The following PRRC2B variants were observed in gnomAD, a reference collection of about 807,000 sequenced individuals.
PRRC2B encodes proline rich coiled-coil 2B.
PRRC2B carries 68 observed loss-of-function variants against 242.3 expected under a neutral mutation model. The ratio of observed to expected loss-of-function variants is 0.28; its 90% confidence interval spans 0.23 to 0.34. The LOEUF (loss-of-function observed/expected upper bound fraction) is 0.34. PRRC2B is among the 10% of genes least tolerant of loss of function. The pLI is 1.00. For synonymous variants in PRRC2B, 1,228 were observed against 1,173.6 expected, an observed-to-expected ratio of 1.05 and a Z score of -0.95; for missense variants, 2,835 against 2,954.8, an observed-to-expected ratio of 0.96 and a Z score of 0.94.
At chr9:131,437,910 A>ATGTATGT (rs1403977558) in intron 4 of PRRC2B, among the ~76,000 whole-genome samples, 1 of 152,014 alleles carries the variant, frequency 6.6e-6, no homozygotes, top group Non-Finnish European at 1.5e-5. Flanking sequence ...ATGTGCTCAG[A>ATGTATGT]CCCCACCACT....
chr9:131,485,305 A>G (rs1385542481), intron 25 of PRRC2B, among the ~76,000 whole-genome samples, 165 bp downstream of exon 25: 1 of 152,160 alleles, frequency 6.6e-6, no homozygotes, highest in East Asian at 1.9e-4. Flanking sequence ...GCTGCAGGTA[A>G]TGTGCACGTC....
Position 131,422,888 on chromosome 9 carries a change from A to G in PRRC2B, c.-51-7206A>G, listed in dbSNP as rs75186469. On this transcript the variant is annotated intron_variant, in intron 1 of 31. Transcript: ENST00000683519. ...GATTTGTTCCCAAATCTATCTTCAT[A>G]TGGGTTTTAGGCCCCTTTTTCATCT... 2.9e-3 allele frequency among the ~76,000 whole-genome samples: 437 copies of G among 152,132 alleles called. 1 individual carries two copies. Among genetic ancestry groups the G allele is most frequent in the Middle Eastern group, 0.014 (4 of 294 alleles).
chr9:131,444,405 G>A (rs1838717573), intron 6 of PRRC2B, 77 bp downstream of exon 6: 2 of 1,501,708 alleles, frequency 1.3e-6, no homozygotes, highest in Non-Finnish European at 1.8e-6. Flanking sequence ...TCCTAAAAGG[G>A]TGCTGATGCC....
At chr9:131,383,976 T>C (rs1173360105) in intron 1 of PRRC2B, among the ~76,000 whole-genome samples, 1 of 151,854 alleles carries the variant, frequency 6.6e-6, no homozygotes, top group East Asian at 1.9e-4. Flanking sequence ...TGGAGTCCAG[T>C]GGCACAGTCA....
intron 1 of PRRC2B, among the ~76,000 whole-genome samples, chr9:131,401,055 G>A (rs999743410): frequency 2.6e-5 from 4 of 151,094 alleles, no homozygotes; most frequent in African/African-American, 7.3e-5. Context: ...TCTACCTCTC[G>A]GGTTCAAGCG....
At chr9:131,478,641 G>C in intron 18 of PRRC2B, 22 bp downstream of exon 18, 1 of 555,082 alleles carries the variant, frequency 1.8e-6, no homozygotes, top group Non-Finnish European at 3.4e-6. Flanking sequence ...AGGGTGGGGG[G>C]GCATGGGGCT....
chr9:131,455,254 AC>A (rs1296492223), intron 10 of PRRC2B, 88 bp downstream of exon 10: 1 of 885,822 alleles, frequency 1.1e-6, no homozygotes, highest in African/African-American at 1.7e-5. Flanking sequence ...TTCCATAGCA[AC>A]CTGGAATGGC....
At position 131,491,636 on chromosome 9, in the gene PRRC2B, T is replaced by G. The variant is rs1250699837; in HGVS notation, c.6381+56T>G. On this transcript the variant is annotated intron_variant, in intron 29 of 31. Coordinates refer to ENST00000683519, the MANE Select transcript of PRRC2B (RefSeq NM_013318.4). Reference sequence around the variant, plus strand: ...GGGAGGGGGCCTTGTGTCACCAACTTTTTCTAGCAAGCTAAGTACCCCTGT... The same window carrying G: ...GGGAGGGGGCCTTGTGTCACCAACTGTTTCTAGCAAGCTAAGTACCCCTGT... 3.4e-6 allele frequency: 5 copies of G among 1,490,580 alleles called. No homozygotes were observed. The African/African-American group carries it at 5.6e-5, about 17-fold the overall frequency. 92.3% of individuals were successfully genotyped at this position (1,490,580 alleles called of 1,614,324 possible).
At chr9:131,466,824 C>T (rs903423252) in intron 12 of PRRC2B, among the ~76,000 whole-genome samples, 14 of 148,458 alleles carry the variant, frequency 9.4e-5, no homozygotes, top group African/African-American at 2.7e-4. Context: ...TTTTTGGAGA[C>T]GGATTCTCAC....
In PRRC2B at chr9:131,478,508, G is replaced by A. The variant is rs780014943; in HGVS notation, c.4647G>A (p.Gly1549=). The change falls in exon 18 of 32, where the codon GGG becomes GGA. Residue 1549 remains glycine, a synonymous_variant. Transcript: ENST00000683519. ...TTGAAAATTGCGGGTCCAGCCCCGG[G>A]GAGGAGAGTGAGGTGGGTTCTATGG... The part of the protein sequence containing the change: ...AIIENCGSSP[G]EESEVGSMVG... The A allele has an allele frequency of 8.7e-6, 14 of 1,613,650 alleles. No homozygotes were observed. Among genetic ancestry groups the A allele is most frequent in the Non-Finnish European group, 1.2e-5 (14 of 1,179,754 alleles).
chr9:131,480,964 A>G (rs1465728341), intron 19 of PRRC2B, among the ~76,000 whole-genome samples: 2 of 151,934 alleles, frequency 1.3e-5, no homozygotes, highest in African/African-American at 2.4e-5. Flanking sequence ...TGAGATCAGG[A>G]GTTCAAGACC....
intron 1 of PRRC2B, among the ~76,000 whole-genome samples, chr9:131,417,579 C>A (rs1350799101): frequency 6.6e-6 from 1 of 152,154 alleles, no homozygotes; most frequent in African/African-American, 2.4e-5. Flanking sequence ...GTTGTGGCAT[C>A]TTTCAGTCTG....
chr9:131,459,744 GC>G (rs1234346966), intron 11 of PRRC2B, among the ~76,000 whole-genome samples: 1 of 152,014 alleles, frequency 6.6e-6, no homozygotes, highest in Non-Finnish European at 1.5e-5. Flanking sequence ...TTACTATGTT[GC>G]CCAGGCTAGT....
intron 1 of PRRC2B, among the ~76,000 whole-genome samples, chr9:131,381,051 C>T (rs563696101): frequency 6.6e-6 from 1 of 152,236 alleles, no homozygotes; most frequent in East Asian, 1.9e-4. Flanking sequence ...GAGATACCGG[C>T]CTACGCTACA....
chr9:131,407,470 C>T (rs1308115854), intron 1 of PRRC2B, among the ~76,000 whole-genome samples: 1 of 152,078 alleles, frequency 6.6e-6, no homozygotes, highest in Non-Finnish European at 1.5e-5. Flanking sequence ...CTGGGAATGC[C>T]CTTGGCGTAG....
chr9:131,386,851 GTTTA>G (rs1175035104), intron 1 of PRRC2B, among the ~76,000 whole-genome samples: 1 of 149,412 alleles, frequency 6.7e-6, no homozygotes, highest in Non-Finnish European at 1.5e-5. Context: ...ATATATAGGA[GTTTA>G]TTAAGTATTA....
At chr9:131,465,104 A>G in intron 12 of PRRC2B, 26 bp downstream of exon 12, 1 of 1,580,620 alleles carries the variant, frequency 6.3e-7, no homozygotes. Flanking sequence ...TCTTCCCACC[A>G]ACTGGAAACC....
chr9:131,413,491 C>T (rs189352814), intron 1 of PRRC2B, among the ~76,000 whole-genome samples: 41 of 152,264 alleles, frequency 2.7e-4, no homozygotes. Flanking sequence ...TTCTTTACAG[C>T]GTCAGGGAAC....
chr9:131,377,336 A>G (rs1410633616), intron 1 of PRRC2B, among the ~76,000 whole-genome samples: 1 of 152,104 alleles, frequency 6.6e-6, no homozygotes, highest in Non-Finnish European at 1.5e-5. Flanking sequence ...GATGGTCTCA[A>G]TCTCCTAACC....
Sources: allele counts gnomAD v4.1 joint callset (sites outside exome capture counted in the v4.1 genomes callset), GRCh38; gene constraint gnomAD v4.1.1; transcripts MANE v1.5; gene names NCBI Gene and HGNC (gene_info 2026-07-23, HGNC 2026-07-21).